The following ADAM10 variants were observed in gnomAD, a reference collection of about 807,000 sequenced individuals.
The protein encoded by ADAM10 is disintegrin and metalloproteinase domain-containing protein 10.
ADAM10 carries 17 observed loss-of-function variants against 90.1 expected under a neutral mutation model. The ratio of observed to expected loss-of-function variants is 0.19; its 90% CI spans 0.13 to 0.28. ADAM10 has a LOEUF of 0.28. ADAM10 is among the 10% of genes least tolerant of loss of function. ADAM10 has a pLI of 1.00. For synonymous variants in ADAM10, 310 were observed against 298.6 expected, an observed-to-expected ratio of 1.04 and a Z score of -0.40; for missense variants, 610 against 914.3, an observed-to-expected ratio of 0.67 and a Z score of 4.29.
At chr15:58,712,636 G>A (rs1292295491) in intron 2 of ADAM10, among the ~76,000 whole-genome samples, 2 of 151,100 alleles carry the variant, frequency 1.3e-5, no homozygotes, top group Non-Finnish European at 2.9e-5. Flanking sequence ...TGGCTCACAT[G>A]GTGAAGCCCC....
At chr15:58,685,315 G>C (rs1464488024) in intron 2 of ADAM10, among the ~76,000 whole-genome samples, 1 of 150,886 alleles carries the variant, frequency 6.6e-6, no homozygotes, top group Non-Finnish European at 1.5e-5. Context: ...CAAAAAATTA[G>C]CCGGGCGTGG....
rs140345301 is a variant in ADAM10, at chr15:58,658,278, T to C, written c.585+6819A>G. ...ACCATTTGTTGAAAAGACTGTTCTT[T>C]CCTCTTTTAAATTACCTTGGGACTT... is the stretch of plus-strand genomic sequence containing the variant. On this transcript the variant is annotated intron_variant, in intron 5 of 15. Transcript: ENST00000260408. Among the ~76,000 whole-genome samples the C allele has an allele frequency of 1.2e-4, 19 of 152,300 alleles. No homozygotes were observed. In the East Asian group the frequency reaches 1.5e-3, roughly 12 times the overall value.
At chr15:58,705,983 G>T (rs1453628757) in intron 2 of ADAM10, among the ~76,000 whole-genome samples, 7 of 152,004 alleles carry the variant, frequency 4.6e-5, no homozygotes, top group African/African-American at 1.7e-4. Flanking sequence ...ATATATTTAG[G>T]GTTTAGTACC....
At chr15:58,643,722 T>G (rs560421260) in intron 7 of ADAM10, among the ~76,000 whole-genome samples, 164 bp downstream of exon 7, 46 of 152,324 alleles carry the variant, frequency 3.0e-4, no homozygotes, top group African/African-American at 9.9e-4. Flanking sequence ...TGTGTGTGTG[T>G]GGGTGTGTAA....
At chr15:58,600,646 A>T (rs1276192687) in intron 14 of ADAM10, among the ~76,000 whole-genome samples, 1 of 152,228 alleles carries the variant, frequency 6.6e-6, no homozygotes, top group East Asian at 1.9e-4. Flanking sequence ...TAAACAAATC[A>T]ATTAGCCAAA....
chr15:58,688,231 T>A (rs1029004296), intron 2 of ADAM10, among the ~76,000 whole-genome samples: 1 of 152,068 alleles, frequency 6.6e-6, no homozygotes, highest in Admixed American at 6.5e-5. Flanking sequence ...AAAAGTTTTT[T>A]AAAAATCCAG....
chr15:58,696,984 C>T (rs1210491663), intron 2 of ADAM10, among the ~76,000 whole-genome samples: 2 of 152,164 alleles, frequency 1.3e-5, no homozygotes, highest in African/African-American at 4.8e-5. Context: ...TACATCCCCA[C>T]CTACAGCCAC....
At chr15:58,686,443 GTGCCT>G (rs1897605447) in intron 2 of ADAM10, 1 of 1,378,324 alleles carries the variant, frequency 7.3e-7, no homozygotes, top group Admixed American at 2.0e-5. Context: ...GCGCCCTGCA[GTGCCT>G]GGTGGAGCAG....
At chr15:58,680,238 T>G (rs1458705844) in intron 3 of ADAM10, among the ~76,000 whole-genome samples, 1 of 152,056 alleles carries the variant, frequency 6.6e-6, no homozygotes, top group Non-Finnish European at 1.5e-5. Context: ...TCCTCCCACC[T>G]CCGCCTCCCT....
At chr15:58,695,592 C>G (rs959429509) in intron 2 of ADAM10, among the ~76,000 whole-genome samples, 1 of 151,764 alleles carries the variant, frequency 6.6e-6, no homozygotes, top group East Asian at 1.9e-4. Context: ...CACTAGTATT[C>G]TATATGGTAA....
chr15:58,655,703 TA>T (rs1349382743), intron 5 of ADAM10, among the ~76,000 whole-genome samples: 3 of 47,758 alleles, frequency 6.3e-5, no homozygotes, highest in African/African-American at 6.0e-4. Flanking sequence ...ATAGTATATA[TA>T]TATATAGTAT....
intron 7 of ADAM10, among the ~76,000 whole-genome samples, chr15:58,643,566 A>T (rs1391778242): frequency 6.6e-6 from 1 of 152,212 alleles, no homozygotes; most frequent in Non-Finnish European, 1.5e-5. Flanking sequence ...ATTGGGGAAA[A>T]GTCAAGCACT....
rs1435035479 is a variant in ADAM10, at chr15:58,717,649, T to G, written c.134A>C (p.Lys45Thr). 2 of 1,613,806 alleles carry G rather than the reference T, an allele frequency of 1.2e-6. No individual in the cohort carries two copies. Among genetic ancestry groups the G allele is most frequent in the African/African-American group, 2.7e-5 (2 of 74,910 alleles). ...LSYNVDSLHQ[K>T]HQRAKRAVSH... is the part of the protein sequence containing the mutation. The stretch of plus-strand genomic sequence containing the variant: ...GACTGCTCTTTTGGCACGCTGGTGT[T>G]TTTGGTGTAATGAATCCACATTGTA... The change falls in exon 2 of 16, where the codon AAA becomes ACA. Residue 45 changes from lysine (K) to threonine (T), a missense_variant. Physicochemically the swap from Lys to Thr is moderately conservative, Grantham distance 78. Around this residue, in one of 4 missense-constraint regions of ADAM10, gnomAD observed 310 missense variants for 362.4 expected, o/e 0.86. Transcript: ENST00000260408.
chr15:58,723,104 T>A (rs80105115), intron 1 of ADAM10, among the ~76,000 whole-genome samples: 1 of 151,760 alleles, frequency 6.6e-6, no homozygotes, highest in East Asian at 1.9e-4. Flanking sequence ...CCTAATAATA[T>A]AATCTTTCAA....
At chr15:58,732,601 G>A (rs1899287468) in intron 1 of ADAM10, 1 of 152,264 alleles carries the variant, frequency 6.6e-6, no homozygotes, top group East Asian at 1.9e-4. Flanking sequence ...CCAGCTACTT[G>A]GGTGGCTGAG....
At chr15:58,712,730 G>A (rs1035857120) in intron 2 of ADAM10, among the ~76,000 whole-genome samples, 1 of 152,106 alleles carries the variant, frequency 6.6e-6, no homozygotes, top group Non-Finnish European at 1.5e-5. Context: ...GGAGGCTGAG[G>A]CAGGACAATG....
chr15:58,611,715 ATTACT>A, intron 12 of ADAM10, 88 bp downstream of exon 12: 2 of 1,224,124 alleles, frequency 1.6e-6, no homozygotes, highest in South Asian at 1.4e-5. Flanking sequence ...ACCAAGATTA[ATTACT>A]TTAACTATGT....
chr15:58,611,235 A>G (rs1895429726), intron 12 of ADAM10, 128 bp from the exon 13 acceptor site: 3 of 733,274 alleles, frequency 4.1e-6, no homozygotes, highest in Admixed American at 4.6e-5. Context: ...TGAAAAACAA[A>G]CAGAGATGAG....
At chr15:58,605,677 C>A (rs1188853730) in intron 14 of ADAM10, among the ~76,000 whole-genome samples, 2 of 151,916 alleles carry the variant, frequency 1.3e-5, no homozygotes, top group African/African-American at 4.8e-5. Flanking sequence ...GTCTTATATC[C>A]CAGAGACAAG....
Sources: gnomAD v4.1 joint callset for allele counts (sites outside exome capture counted in the v4.1 genomes callset) on GRCh38, gnomAD v4.1.1 for gene constraint, gnomAD v4.1.1 regional missense constraint, MANE v1.5 for transcripts, NCBI Gene and HGNC (gene_info 2026-07-23, HGNC 2026-07-21) for gene names.